IGSF9: variants seen among roughly 807,000 people sequenced by gnomAD.
The protein encoded by IGSF9 is immunoglobulin superfamily member 9.
IGSF9 carries 87 observed loss-of-function variants against 121.7 expected under a neutral mutation model. That is an observed-to-expected ratio of 0.71 (90% CI 0.60 to 0.85). The LOEUF (loss-of-function observed/expected upper bound fraction) is 0.85. Ranked by LOEUF, IGSF9 falls within the 40% of genes least tolerant of loss-of-function variation. The pLI is 0.00. For synonymous variants in IGSF9, 640 were observed against 648.4 expected (o/e 0.99, Z 0.20); for missense variants, 1,462 against 1,565.3 (o/e 0.93, Z 1.11).
At chr1:159,928,017 C>T in intron 19 of IGSF9, 130 bp from the exon 20 acceptor site, 1 of 1,483,934 alleles carries the variant, frequency 6.7e-7, no homozygotes, top group Non-Finnish European at 9.1e-7. Context: ...CCCTGGACCT[C>T]AGCAAAAGCT....
rs746176345 is a variant in IGSF9 at position 159,929,890 on chromosome 1, C to A, written c.2149+1G>T. On this transcript the variant is annotated splice_donor_variant, in intron 16 of 20. Coordinates refer to ENST00000368094, the MANE Select transcript of IGSF9 (RefSeq NM_001135050.2). LOFTEE classifies it high-confidence loss of function. ...GCTCCTCCCTCACGCCAGGTGCTCA[C>A]CGGAAGTGGAGACGTTGGCCGTGTT... 62 of 1,575,406 alleles carry A rather than the reference C, an allele frequency of 3.9e-5. No individual in the cohort carries two copies. The highest frequency in any genetic ancestry group is 5.1e-5 in the Non-Finnish European group (59 of 1,161,232).
chr1:159,945,010 A>C (rs1571223953), intron 1 of IGSF9, among the ~76,000 whole-genome samples: 1 of 149,528 alleles, frequency 6.7e-6, no homozygotes, highest in South Asian at 2.1e-4. Flanking sequence ...TATCTTTCCA[A>C]CTCCCCCGGC....
In IGSF9 at chr1:159,941,739, C is replaced by T. The variant is rs145308836; in HGVS notation, c.247+1224G>A. Reference sequence around the variant, plus strand: ...TCTGTCCAGCCTCAGCCCGGCAGCCCGAGACCCCTCCCAGGCCTGGGCAGG... The same window carrying T: ...TCTGTCCAGCCTCAGCCCGGCAGCCTGAGACCCCTCCCAGGCCTGGGCAGG... On this transcript the variant is annotated intron_variant, in intron 3 of 20. Transcript: ENST00000368094. 4.7e-3 allele frequency among the ~76,000 whole-genome samples: 723 copies of T among 152,316 alleles called. 7 individuals carry two copies. Among genetic ancestry groups the T allele is most frequent in the African/African-American group, 0.017 (694 of 41,574 alleles).
At position 159,929,267 on chromosome 1, in the gene IGSF9, G is replaced by A. The variant is rs1650881436; in HGVS notation, c.2369+84C>T. ...CCTCCCCAACACCCAACATCCCCCT[G>A]GTAAAGATGCAAAAAAGGAAGCAGA... On this transcript the variant is annotated intron_variant, in intron 18 of 20. Coordinates refer to ENST00000368094, the MANE Select transcript of IGSF9 (RefSeq NM_001135050.2). 19 of 1,512,508 alleles carry A rather than the reference G, an allele frequency of 1.3e-5. 1 individual carries two copies. In the East Asian group the frequency reaches 3.8e-4, roughly 31 times the overall value. The allele number at this position is 1,512,508 out of a possible 1,614,324, so 93.7% of individuals were successfully genotyped here. A position where few individuals can be genotyped will look rare whatever the true frequency, so the allele number is the denominator to read the frequency against.
chr1:159,942,252 G>A (rs905189494), intron 3 of IGSF9, among the ~76,000 whole-genome samples: 1 of 152,214 alleles, frequency 6.6e-6, no homozygotes, highest in Non-Finnish European at 1.5e-5. Context: ...GCCAGCTGGG[G>A]TGCAGCAGAA....
chr1:159,932,440 G>T lies in IGSF9; in HGVS notation c.1245+72C>A. The T allele has an allele frequency of 9.2e-7, 1 of 1,081,946 alleles. No homozygotes were observed. Among genetic ancestry groups the T allele is most frequent in the Non-Finnish European group, 1.3e-6 (1 of 742,104 alleles). The allele number at this position is 1,081,946 out of a possible 1,614,324, so 67.0% of individuals were successfully genotyped here. A position where few individuals can be genotyped will look rare whatever the true frequency, so the allele number is the denominator to read the frequency against. Reference sequence around the variant, plus strand: ...TGTCTGCCCCACCCCACCCCCATCAGCCTGGCCTTAGCACCATCTCCAGCC... The same window carrying T: ...TGTCTGCCCCACCCCACCCCCATCATCCTGGCCTTAGCACCATCTCCAGCC... On this transcript the variant is annotated intron_variant, in intron 10 of 20. Coordinates refer to ENST00000368094, the MANE Select transcript of IGSF9 (RefSeq NM_001135050.2). The surrounding 1 kb of genome is among the most constrained non-coding windows in gnomAD (Gnocchi z 4.1).
rs1650995566 is a variant in IGSF9, at chr1:159,931,471, TGGAGGTGGCCACTCGGGCCACA to T, written c.1473_1494del (p.Val492ArgfsTer72). ...CACTAACCCAGCACGTAGACGTTCG[TGGAGGTGGCCACTCGGGCCACA>T]GCATTGCTGGCACTGCATTCCCAGT... is the stretch of plus-strand genomic sequence containing the variant. On this transcript the variant is annotated frameshift_variant, in exon 12 of 21. Coordinates refer to ENST00000368094, the MANE Select transcript of IGSF9 (RefSeq NM_001135050.2). LOFTEE classifies it high-confidence loss of function. This position sits in a 1 kb window ranked among gnomAD's most constrained non-coding sequence, Gnocchi z 4.8. 1 of 1,613,806 alleles carries T rather than the reference TGGAGGTGGCCACTCGGGCCACA, an allele frequency of 6.2e-7. No homozygotes were observed. Among genetic ancestry groups the T allele is most frequent in the Non-Finnish European group, 8.5e-7 (1 of 1,179,842 alleles).
In IGSF9 at chr1:159,929,662, G is replaced by C. The variant is rs752139269; in HGVS notation, c.2302C>G (p.Arg768Gly). 1.3e-6 allele frequency: 2 copies of C among 1,594,544 alleles called. No individual in the cohort carries two copies. The highest frequency in any genetic ancestry group is 8.5e-7 in the Non-Finnish European group (1 of 1,172,156). ...CCTTGGCGGAGGCGCTTGCGGCGGC[G>C]GCGGGCAGCCCTGCGCCGGTTCAGG... The part of the protein sequence containing the change: ...CLLNRRRAAR[R>G]RRKRLRQDPP... Residue 768 changes from arginine (R) to glycine (G), a missense_variant, in exon 17 of 21, where the codon CGC becomes GGC. Physicochemically the swap from Arg to Gly is moderately radical, Grantham distance 125. Transcript: ENST00000368094.
chr1:159,932,240 G>A lies in IGSF9; in HGVS notation c.1245+272C>T, dbSNP rs1401280510. ...TCTTCCTCCCAGAGCCCCAGAGAGG[G>A]AGGCAGCACGGTCAAGGTTAGTGAG... On this transcript the variant is annotated intron_variant, in intron 10 of 20. Transcript: ENST00000368094. This position sits in a 1 kb window ranked among gnomAD's most constrained non-coding sequence, Gnocchi z 4.1. 3 of 576,652 alleles carry A rather than the reference G, an allele frequency of 5.2e-6. No individual in the cohort carries two copies. Among genetic ancestry groups the A allele is most frequent in the African/African-American group, 3.8e-5 (2 of 53,042 alleles). The allele number at this position is 576,652 out of a possible 1,614,324, so 35.7% of individuals were successfully genotyped here.
rs1571207908 is a variant in IGSF9 at position 159,927,132 on chromosome 1, G to GAGAGAGAGAGAGAGAGA, written c.*212_*213insTCTCTCTCTCTCTCTCT. On this transcript the variant is annotated 3_prime_UTR_variant, in exon 21 of 21. Transcript: ENST00000368094. ...GAGAGAGAGAGAGAGAGAGAGAGAG[G>GAGAGAGAGAGAGAGAGA]CAGACCTAAGATCCCTGTTCCAATC... is the stretch of plus-strand genomic sequence containing the variant. 22 of 408,810 alleles carry GAGAGAGAGAGAGAGAGA rather than the reference G, an allele frequency of 5.4e-5. No individual in the cohort carries two copies. The South Asian group carries it at 6.9e-4, about 13-fold the overall frequency. 25.3% of individuals were successfully genotyped at this position (408,810 alleles called of 1,614,324 possible).
chr1:159,927,303 T>C lies in IGSF9; in HGVS notation c.*42A>G. Reference sequence around the variant, plus strand: ...GGTCTGTCTGGTTGGGGGCCTCCTTTGCAGGTCCATATGCCTTTTCACAGC... The same window carrying C: ...GGTCTGTCTGGTTGGGGGCCTCCTTCGCAGGTCCATATGCCTTTTCACAGC... On this transcript the variant is annotated 3_prime_UTR_variant, in exon 21 of 21. Transcript: ENST00000368094. The C allele has an allele frequency of 6.2e-7, 1 of 1,610,022 alleles. No individual in the cohort carries two copies. Among genetic ancestry groups the C allele is most frequent in the South Asian group, 1.1e-5 (1 of 90,978 alleles).
intron 15 of IGSF9, 74 bp downstream of exon 15, chr1:159,930,111 AAGAT>A: frequency 6.4e-7 from 1 of 1,551,656 alleles, no homozygotes; most frequent in Admixed American, 1.8e-5. Context: ...TCAAGATGAG[AAGAT>A]AGAGTTTGGG....
At chr1:159,936,655 A>C (rs1571218112) in intron 5 of IGSF9, 99 bp downstream of exon 5, 1 of 1,544,074 alleles carries the variant, frequency 6.5e-7, no homozygotes, top group East Asian at 2.3e-5. Flanking sequence ...CCCATCCTCC[A>C]GCCTGGCCTT....
rs1022112660 is a variant in IGSF9 at position 159,938,300 on chromosome 1, G to T, written c.248-462C>A. 2.0e-5 allele frequency among the ~76,000 whole-genome samples: 3 copies of T among 152,254 alleles called. No homozygotes were observed. In the South Asian group the frequency reaches 6.2e-4, roughly 32 times the overall value. On this transcript the variant is annotated intron_variant, in intron 3 of 20. Transcript: ENST00000368094. Reference sequence around the variant, plus strand: ...GCAGTGTTTGAGGCCCTAGCAGGGGGAACCCAGACCCCGCCTGCCAAAGCC... The same window carrying T: ...GCAGTGTTTGAGGCCCTAGCAGGGGTAACCCAGACCCCGCCTGCCAAAGCC...
Position 159,927,281 on chromosome 1 carries a change from C to A in IGSF9, c.*64G>T. ...GCAGTGCCCTCGTTTGAAACTAGGT[C>A]TGTCTGGTTGGGGGCCTCCTTTGCA... On this transcript the variant is annotated 3_prime_UTR_variant, in exon 21 of 21. Transcript: ENST00000368094. 6.3e-7 allele frequency: 1 copy of A among 1,594,060 alleles called. No homozygotes were observed. Among genetic ancestry groups the A allele is most frequent in the Non-Finnish European group, 8.6e-7 (1 of 1,164,658 alleles).
intron 18 of IGSF9, 38 bp downstream of exon 18, chr1:159,929,313 G>C: frequency 6.2e-7 from 1 of 1,605,338 alleles, no homozygotes; most frequent in Non-Finnish European, 8.5e-7. Context: ...ACGTACAATG[G>C]AAAGGCAGAA....
chr1:159,937,887 C>T (rs965820902), intron 3 of IGSF9, 49 bp from the exon 4 acceptor site: 2 of 1,575,098 alleles, frequency 1.3e-6, no homozygotes, highest in African/African-American at 1.4e-5. Flanking sequence ...CCCATGGAAG[C>T]CCCAGTCCCC....
chr1:159,942,857 A>T (rs1318202370), intron 3 of IGSF9, 106 bp downstream of exon 3: 3 of 842,860 alleles, frequency 3.6e-6, no homozygotes, highest in Non-Finnish European at 5.7e-6. Flanking sequence ...GCTGGAGATG[A>T]GATCAGAGCA....
chr1:159,942,974 G>C lies in IGSF9; in HGVS notation c.236C>G (p.Pro79Arg), dbSNP rs1271800495. Residue 79 changes from proline to arginine, a missense_variant, in exon 3 of 21, where the codon CCT becomes CGT. By Grantham distance (103) the Pro-to-Arg change is moderately radical. Around this residue, in one of 3 missense-constraint regions of IGSF9, gnomAD observed 558 missense variants for 599.4 expected, o/e 0.93. Coordinates refer to ENST00000368094, the MANE Select transcript of IGSF9 (RefSeq NM_001135050.2). ...QFGLYSPRID[P>R]DYVGRVRLQK... is the part of the protein sequence containing the mutation. The stretch of plus-strand genomic sequence containing the variant: ...AGGAGAACTCTTACCCACGTAATCA[G>C]GGTCAATTCGGGGAGAGTAGAGGCC... 6.2e-6 allele frequency: 10 copies of C among 1,612,926 alleles called. No individual in the cohort carries two copies. The highest frequency in any genetic ancestry group is 7.6e-6 in the Non-Finnish European group (9 of 1,179,552).
Sources: allele counts gnomAD v4.1 joint callset (sites outside exome capture counted in the v4.1 genomes callset), GRCh38; gene constraint gnomAD v4.1.1; regional missense constraint gnomAD v4.1.1; non-coding constraint Gnocchi (gnomAD v3.1); transcripts MANE v1.5; gene names NCBI Gene and HGNC (gene_info 2026-07-23, HGNC 2026-07-21).